PPME1: variants seen among roughly 807,000 people sequenced by gnomAD.
The protein encoded by PPME1 is protein phosphatase methylesterase 1, also known as testicular secretory protein Li 39.
Under a neutral mutation model 56.9 loss-of-function variants are expected in PPME1, and 17 were observed. That is an observed-to-expected ratio of 0.30 (90% CI 0.20 to 0.45). The LOEUF is 0.45. Among genes scored for constraint, PPME1 ranks in the 20% least tolerant of loss-of-function variants. PPME1 has a pLI of 1.00. For synonymous variants in PPME1, 122 were observed against 156.2 expected, an observed-to-expected ratio of 0.78 and a Z score of 1.63; for missense variants, 357 against 483.2, an observed-to-expected ratio of 0.74 and a Z score of 2.45.
intron 3 of PPME1, among the ~76,000 whole-genome samples, chr11:74,216,454 AAC>A (rs1361627464): frequency 3.3e-5 from 5 of 152,172 alleles, no homozygotes; most frequent in Admixed American, 2.0e-4. Flanking sequence ...TGATAATGGA[AAC>A]ACAACATACC....
At chr11:74,252,262 T>TG (rs986423164) in intron 13 of PPME1, among the ~76,000 whole-genome samples, 3 of 151,092 alleles carry the variant, frequency 2.0e-5, no homozygotes, top group African/African-American at 7.3e-5. Flanking sequence ...TTTTTTTTTT[T>TG]TTTTAGTAAA....
At chr11:74,171,578 G>T (rs1458317949) in intron 1 of PPME1, 56 bp downstream of exon 1, 4 of 1,534,294 alleles carry the variant, frequency 2.6e-6, no homozygotes, top group Non-Finnish European at 3.5e-6. Context: ...TTGGAGAATG[G>T]TATCTCTGGG....
chr11:74,217,404 TG>T (rs1858677496), intron 3 of PPME1, among the ~76,000 whole-genome samples: 2 of 151,750 alleles, frequency 1.3e-5, no homozygotes, highest in Admixed American at 1.3e-4. Flanking sequence ...TAGCCAGACA[TG>T]GTGGCGCGCA....
chr11:74,192,195 T>A (rs1181458977), intron 1 of PPME1, among the ~76,000 whole-genome samples: 1 of 152,164 alleles, frequency 6.6e-6, no homozygotes, highest in Non-Finnish European at 1.5e-5. Flanking sequence ...CAAAAGAGAT[T>A]ATTTTTGGAG....
chr11:74,250,916 T>G, intron 11 of PPME1, 38 bp from the exon 12 acceptor site: 1 of 1,532,132 alleles, frequency 6.5e-7, no homozygotes, highest in Non-Finnish European at 8.9e-7. Context: ...GAGGGCTCTT[T>G]TAGTCGCTGA....
chr11:74,171,439 G>C lies in PPME1; in HGVS notation c.18G>C (p.Lys6Asn), dbSNP rs1857216483. MSALE[K>N]SMHLGRLPSR... ...TCCCCTCGATGTCGGCCCTCGAAAA[G>C]AGCATGCACCTCGGCCGCCTTCCCT... Residue 6 changes from lysine (K) to asparagine (N), a missense_variant, in exon 1 of 14, where the codon AAG (lysine) becomes AAC (asparagine). By Grantham distance (94) the Lys-to-Asn change is moderately conservative. Around this residue, in one of 2 missense-constraint regions of PPME1, gnomAD observed 175 missense variants for 189.4 expected, o/e 0.92. Coordinates refer to ENST00000328257, the MANE Select transcript of PPME1 (RefSeq NM_016147.3). The C allele has an allele frequency of 3.1e-6, 5 of 1,612,626 alleles. No individual in the cohort carries two copies. The highest frequency in any genetic ancestry group is 3.3e-5 in the Admixed American group (2 of 59,844).
intron 9 of PPME1, among the ~76,000 whole-genome samples, chr11:74,241,287 G>A (rs1366450270): frequency 6.6e-6 from 1 of 152,078 alleles, no homozygotes; most frequent in Non-Finnish European, 1.5e-5. Context: ...AAATTATCAG[G>A]GTTCATCCAT....
Position 74,222,356 on chromosome 11 carries a change from T to A in PPME1, c.333T>A (p.Asp111Glu). 6.2e-7 allele frequency: 1 copy of A among 1,611,020 alleles called. No homozygotes were observed. Among genetic ancestry groups the A allele is most frequent in the Non-Finnish European group, 8.5e-7 (1 of 1,177,280 alleles). Residue 111 changes from aspartate to glutamate, a missense_variant, in exon 4 of 14, where the codon GAT becomes GAA. Coordinates refer to ENST00000328257, the MANE Select transcript of PPME1 (RefSeq NM_016147.3). The part of the protein sequence containing the change: ...SRVQCRIVAL[D>E]LRSHGETKVK... Reference sequence around the variant, plus strand: ...TTCAGTGTAGGATTGTAGCTTTGGATCTGCGAAGTCATGGTGAGTAAAGTT... The same window carrying A: ...TTCAGTGTAGGATTGTAGCTTTGGAACTGCGAAGTCATGGTGAGTAAAGTT...
chr11:74,194,807 T>C (rs141272832), intron 1 of PPME1, among the ~76,000 whole-genome samples: 175 of 152,306 alleles, frequency 1.1e-3, no homozygotes, highest in African/African-American at 4.1e-3. Context: ...AATGTCCCTT[T>C]CTCATGAAGC....
intron 3 of PPME1, chr11:74,205,128 T>C (rs1858295172): frequency 6.6e-6 from 1 of 152,226 alleles, no homozygotes; most frequent in Admixed American, 6.5e-5. Flanking sequence ...TTGTCTCCCA[T>C]ATAGAGCCTA....
chr11:74,171,306 G>A lies in PPME1; in HGVS notation c.-116G>A. The A allele has an allele frequency of 6.6e-7, 1 of 1,510,194 alleles. No individual in the cohort carries two copies. Among genetic ancestry groups the A allele is most frequent in the Non-Finnish European group, 8.9e-7 (1 of 1,129,916 alleles). The allele number at this position is 1,510,194 out of a possible 1,614,324, so 93.5% of individuals were successfully genotyped here. A position where few individuals can be genotyped will look rare whatever the true frequency, so the allele number is the denominator to read the frequency against. ...TAGGCGGTGCTACGGGTAGCTGGGT[G>A]CTGTCCAAAGGCGACAGGGCGTCGT... is the stretch of plus-strand genomic sequence containing the variant. On this transcript the variant is annotated 5_prime_UTR_variant, in exon 1 of 14. Coordinates refer to ENST00000328257, the MANE Select transcript of PPME1 (RefSeq NM_016147.3).
chr11:74,230,228 T>C lies in PPME1; in HGVS notation c.399-17T>C, dbSNP rs750540462. On this transcript the variant is annotated splice_polypyrimidine_tract_variant and intron_variant, in intron 5 of 13. Transcript: ENST00000328257. The surrounding 1 kb of genome is among the most constrained non-coding windows in gnomAD (Gnocchi z 4.9). Reference sequence around the variant, plus strand: ...TGTCAGAAAGCATTCTTAGATCTTTTTCTCTTCTCTTTGCAGAGACGTTGG... The same window carrying C: ...TGTCAGAAAGCATTCTTAGATCTTTCTCTCTTCTCTTTGCAGAGACGTTGG... The C allele has an allele frequency of 1.3e-6, 2 of 1,585,480 alleles. No homozygotes were observed. The highest frequency in any genetic ancestry group is 1.7e-6 in the Non-Finnish European group (2 of 1,169,318).
intron 4 of PPME1, among the ~76,000 whole-genome samples, chr11:74,223,992 G>A (rs1591051310): frequency 6.6e-6 from 1 of 152,136 alleles, no homozygotes; most frequent in South Asian, 2.1e-4. Flanking sequence ...CATTGCTTTT[G>A]GTGTTTTAGA....
chr11:74,209,147 C>G (rs2135631155), intron 3 of PPME1, among the ~76,000 whole-genome samples: 1 of 152,254 alleles, frequency 6.6e-6, no homozygotes. Context: ...CACTCTGTCA[C>G]CCAGGCTGGA....
At chr11:74,248,039 TC>T (rs952139660) in intron 11 of PPME1, 1 of 152,436 alleles carries the variant, frequency 6.6e-6, no homozygotes, top group African/African-American at 2.4e-5. Flanking sequence ...CTCAAACAGA[TC>T]GTGGGGTATA....
chr11:74,196,751 G>A (rs1389331054), intron 1 of PPME1, among the ~76,000 whole-genome samples: 1 of 152,172 alleles, frequency 6.6e-6, no homozygotes, highest in African/African-American at 2.4e-5. Flanking sequence ...TATATGGGGA[G>A]ATGTGTTCTG....
chr11:74,206,924 T>C lies in PPME1; in HGVS notation c.288+2479T>C, dbSNP rs117577290. On this transcript the variant is annotated intron_variant, in intron 3 of 13. Transcript: ENST00000328257. ...AACATTTACTCTGTGCCAGGTACTATGCTAAGTGCTTAAGTGGATTATCCC... is the reference window on the plus strand; with the variant it reads ...AACATTTACTCTGTGCCAGGTACTACGCTAAGTGCTTAAGTGGATTATCCC... 1.3e-3 allele frequency among the ~76,000 whole-genome samples: 199 copies of C among 152,320 alleles called. 3 individuals carry two copies. The East Asian group carries it at 0.034, about 26-fold the overall frequency.
Position 74,194,322 on chromosome 11 carries a change from C to T in PPME1, c.102-9406C>T, listed in dbSNP as rs116111644. ...TGGAGAAAGGTTTCCTACTGGGCTCCGCAGCAAGACTTCCCACCTCGGGCT... is the reference window on the plus strand; with the variant it reads ...TGGAGAAAGGTTTCCTACTGGGCTCTGCAGCAAGACTTCCCACCTCGGGCT... On this transcript the variant is annotated intron_variant, in intron 1 of 13. Coordinates refer to ENST00000328257, the MANE Select transcript of PPME1 (RefSeq NM_016147.3). Among the ~76,000 whole-genome samples the T allele has an allele frequency of 1.2e-3, 187 of 152,044 alleles. 1 individual carries two copies. Among genetic ancestry groups the T allele is most frequent in the African/African-American group, 4.3e-3 (178 of 41,444 alleles).
intron 1 of PPME1, among the ~76,000 whole-genome samples, chr11:74,184,233 A>G (rs1402331186): frequency 1.3e-5 from 2 of 152,208 alleles, no homozygotes; most frequent in Non-Finnish European, 2.9e-5. Context: ...CTTAAGCATA[A>G]GAACCATTGT....
Sources: gnomAD v4.1 joint callset for allele counts (sites outside exome capture counted in the v4.1 genomes callset) on GRCh38, gnomAD v4.1.1 for gene constraint, gnomAD v4.1.1 regional missense constraint, Gnocchi (gnomAD v3.1) non-coding constraint, MANE v1.5 for transcripts, NCBI Gene and HGNC (gene_info 2026-07-23, HGNC 2026-07-21) for gene names.